DLGAP1: variants seen among roughly 807,000 people sequenced by gnomAD.
DLGAP1 encodes the protein DLG associated protein 1.
DLGAP1 carries 11 observed loss-of-function variants against 90.8 expected under a neutral mutation model. The observed-to-expected ratio is 0.12, with a 90% CI of 0.08 to 0.20. The LOEUF (loss-of-function observed/expected upper bound fraction) is 0.20, where lower values mean the gene tolerates loss of function less well. DLGAP1 is among the 10% of genes least tolerant of loss of function. DLGAP1 has a pLI of 1.00. For synonymous variants in DLGAP1, 558 were observed against 540.7 expected, an observed-to-expected ratio of 1.03 and a Z score of -0.44; for missense variants, 1,050 against 1,333.8, an observed-to-expected ratio of 0.79 and a Z score of 3.31.
At chr18:3,826,144 C>T (rs963639967) in intron 4 of DLGAP1, among the ~76,000 whole-genome samples, 3 of 152,000 alleles carry the variant, frequency 2.0e-5, no homozygotes, top group Non-Finnish European at 2.9e-5. Flanking sequence ...TGGTGAAGGG[C>T]AAGGGTTGAA....
chr18:3,955,441 G>A (rs1005031564), intron 3 of DLGAP1, among the ~76,000 whole-genome samples: 10 of 152,170 alleles, frequency 6.6e-5, no homozygotes, highest in African/African-American at 1.4e-4. Flanking sequence ...GCCGGGCGCC[G>A]TGGCTCATGC....
In DLGAP1 at chr18:3,565,574, G is replaced by A. The variant is rs1419851782; in HGVS notation, c.2057+1916C>T. Among the ~76,000 whole-genome samples the A allele has an allele frequency of 2.0e-5, 3 of 151,928 alleles. No homozygotes were observed. The highest frequency in any genetic ancestry group is 6.6e-5 in the Admixed American group (1 of 15,256). ...TTACCGGCCCAGCGCGGTGGCTCAC[G>A]CCTGTAATCCCAGCACTTTGGGAAG... On this transcript the variant is annotated intron_variant, in intron 9 of 12. Transcript: ENST00000315677. This position sits in a 1 kb window ranked among gnomAD's most constrained non-coding sequence, Gnocchi z 4.0.
Position 4,150,513 on chromosome 18 carries a change from C to T in DLGAP1, c.-159+667G>A, listed in dbSNP as rs2076657647. On this transcript the variant is annotated intron_variant, in intron 2 of 12. Coordinates refer to ENST00000315677, the MANE Select transcript of DLGAP1 (RefSeq NM_004746.4). ...TCAAGCGATTCTCCTGCCTTAGTCT[C>T]CCCAGTAGCTGGGATTACAGGCACC... Among the ~76,000 whole-genome samples, 4 of 152,208 alleles carry T rather than the reference C, an allele frequency of 2.6e-5. No homozygotes were observed. The South Asian group carries it at 8.3e-4, about 32-fold the overall frequency.
chr18:3,818,803 C>G (rs1482013056), intron 4 of DLGAP1, among the ~76,000 whole-genome samples: 2 of 150,666 alleles, frequency 1.3e-5, no homozygotes, highest in Middle Eastern at 6.8e-3. Context: ...GCCATGTTGG[C>G]CAGGCTGGTC....
chr18:3,917,663 A>G (rs182595696), intron 3 of DLGAP1, among the ~76,000 whole-genome samples: 212 of 152,352 alleles, frequency 1.4e-3, no homozygotes, highest in African/African-American at 4.9e-3. Context: ...AAATTTCAGT[A>G]TAAGTAAGAG....
chr18:4,390,496 C>T (rs1228802436), intron 1 of DLGAP1, among the ~76,000 whole-genome samples: 1 of 152,122 alleles, frequency 6.6e-6, no homozygotes, highest in African/African-American at 2.4e-5. Flanking sequence ...TTCCACTGCC[C>T]TAAAAATTCT....
Position 3,735,339 on chromosome 18 carries a change from C to T in DLGAP1, c.1351-5964G>A, listed in dbSNP as rs549358070. On this transcript the variant is annotated intron_variant, in intron 6 of 12. Coordinates refer to ENST00000315677, the MANE Select transcript of DLGAP1 (RefSeq NM_004746.4). ...GATTCAAGCGATTCTTCTGCCTCAG[C>T]CTCCTGAGTAGCTGGAACTAGAGGC... Among the ~76,000 whole-genome samples the T allele has an allele frequency of 3.5e-4, 53 of 152,340 alleles. 2 individuals are homozygous for T. The South Asian group carries it at 9.9e-3, about 29-fold the overall frequency.
intron 2 of DLGAP1, among the ~76,000 whole-genome samples, chr18:4,107,463 C>G (rs1023844092): frequency 1.3e-5 from 2 of 152,164 alleles, no homozygotes; most frequent in African/African-American, 4.8e-5. Flanking sequence ...TACTTGTTCC[C>G]CATGACCCAG....
chr18:3,522,629 G>A (rs999568938), intron 10 of DLGAP1, among the ~76,000 whole-genome samples: 13 of 136,524 alleles, frequency 9.5e-5, no homozygotes, highest in Middle Eastern at 4.6e-3. Flanking sequence ...TGCAACCTCC[G>A]CCTTCCGGGT....
chr18:3,882,701 C>T (rs949073887), intron 3 of DLGAP1, among the ~76,000 whole-genome samples: 4 of 152,052 alleles, frequency 2.6e-5, no homozygotes, highest in South Asian at 2.1e-4. Flanking sequence ...TCGGATCTTC[C>T]GGAGTTTTAG....
chr18:4,358,543 A>G (rs1323760080), intron 1 of DLGAP1, among the ~76,000 whole-genome samples: 1 of 152,234 alleles, frequency 6.6e-6, no homozygotes, highest in Non-Finnish European at 1.5e-5. Flanking sequence ...TCAAGTAAGG[A>G]GTTCATGCTT....
At chr18:4,439,978 G>A (rs1005939520) in intron 1 of DLGAP1, among the ~76,000 whole-genome samples, 9 of 152,002 alleles carry the variant, frequency 5.9e-5, no homozygotes, top group Non-Finnish European at 1.0e-4. Context: ...AAATTAGCCA[G>A]GCGTGGTGGC....
At position 3,729,656 on chromosome 18, in the gene DLGAP1, G is replaced by A. The variant is rs1255309113; in HGVS notation, c.1351-281C>T. Among the ~76,000 whole-genome samples, 1 of 151,998 alleles carries A rather than the reference G, an allele frequency of 6.6e-6. No homozygotes were observed. On this transcript the variant is annotated intron_variant, in intron 6 of 12. Coordinates refer to ENST00000315677, the MANE Select transcript of DLGAP1 (RefSeq NM_004746.4). This position sits in a 1 kb window ranked among gnomAD's most constrained non-coding sequence, Gnocchi z 6.2. ...ACTCCTGACCTCAAGTGATCCACCCGCCTGGGCCTCCCAAAGTGCTGGGAT... is the reference window on the plus strand; with the variant it reads ...ACTCCTGACCTCAAGTGATCCACCCACCTGGGCCTCCCAAAGTGCTGGGAT...
chr18:4,148,336 G>C (rs945153646), intron 2 of DLGAP1, among the ~76,000 whole-genome samples: 1 of 152,300 alleles, frequency 6.6e-6, no homozygotes, highest in South Asian at 2.1e-4. Context: ...TAACAACTTA[G>C]AGTGGCATGC....
chr18:3,675,065 G>A lies in DLGAP1; in HGVS notation c.1591+54070C>T, dbSNP rs548393290. Among the ~76,000 whole-genome samples, 39 of 152,222 alleles carry A rather than the reference G, an allele frequency of 2.6e-4. 1 individual carries two copies. Among genetic ancestry groups the A allele is most frequent in the Non-Finnish European group, 3.2e-4 (22 of 68,024 alleles). ...TAGGCAGAGCACTGCCAAGTACCAC[G>A]CAGTGGGTTAGCTGGTTTTTTTTTG... is the stretch of plus-strand genomic sequence containing the variant. On this transcript the variant is annotated intron_variant, in intron 7 of 12. Transcript: ENST00000315677.
At chr18:4,046,555 T>C (rs1441499652) in intron 2 of DLGAP1, among the ~76,000 whole-genome samples, 1 of 152,274 alleles carries the variant, frequency 6.6e-6, no homozygotes, top group Admixed American at 6.5e-5. Flanking sequence ...AATTAAGTGT[T>C]AGAATATAGG....
chr18:4,073,966 G>A (rs1272890889), intron 2 of DLGAP1, among the ~76,000 whole-genome samples: 1 of 152,120 alleles, frequency 6.6e-6, no homozygotes, highest in Non-Finnish European at 1.5e-5. Context: ...AGCATGAAGT[G>A]AAGATGAAGA....
At chr18:3,666,038 G>T (rs2146669027) in intron 7 of DLGAP1, among the ~76,000 whole-genome samples, 1 of 152,116 alleles carries the variant, frequency 6.6e-6, no homozygotes, top group East Asian at 1.9e-4. Flanking sequence ...TCCAACCGCA[G>T]AGGCAGCTGG....
intron 3 of DLGAP1, among the ~76,000 whole-genome samples, chr18:3,897,581 A>C (rs1568286790): frequency 6.6e-6 from 1 of 152,182 alleles, no homozygotes; most frequent in Non-Finnish European, 1.5e-5. Context: ...TGATGGTATC[A>C]TGTCTTAGGT....
Sources: gnomAD v4.1 joint callset for allele counts (sites outside exome capture counted in the v4.1 genomes callset) on GRCh38, gnomAD v4.1.1 for gene constraint, Gnocchi (gnomAD v3.1) non-coding constraint, MANE v1.5 for transcripts, NCBI Gene and HGNC (gene_info 2026-07-23, HGNC 2026-07-21) for gene names.